ZNF184: variants seen among roughly 807,000 people sequenced by gnomAD.
ZNF184 encodes zinc finger protein 184 (Kruppel-like).
Under a neutral mutation model 54.4 loss-of-function variants are expected in ZNF184, and 16 were observed. That is an observed-to-expected ratio of 0.29 (90% CI 0.20 to 0.45). ZNF184 has a LOEUF of 0.45. Ranked by LOEUF, ZNF184 falls within the 20% of genes least tolerant of loss-of-function variation. The pLI, the probability that ZNF184 is intolerant of heterozygous loss-of-function variation, is 1.00. For synonymous variants in ZNF184, 254 were observed against 295.3 expected (o/e 0.86, Z 1.43); for missense variants, 681 against 888.2 (o/e 0.77, Z 2.97).
the ZNF184 span, among the ~76,000 whole-genome samples, chr6:27,442,009 A>G: frequency 5.3e-5 from 8 of 152,242 alleles, no homozygotes; most frequent in Non-Finnish European, 1.2e-4. Context: ...TAGATGTGTG[A>G]TTCAAATTAT....
intron 2 of ZNF184, among the ~76,000 whole-genome samples, chr6:27,469,539 G>A (rs2113737882): frequency 6.6e-6 from 1 of 152,270 alleles, no homozygotes; most frequent in African/African-American, 2.4e-5. Flanking sequence ...TACTCAGAAG[G>A]CTGAGGCAGG....
the ZNF184 span, among the ~76,000 whole-genome samples, chr6:27,424,386 G>A: frequency 2.6e-5 from 4 of 152,222 alleles, no homozygotes; most frequent in South Asian, 2.1e-4. Flanking sequence ...GCCACTGCTG[G>A]CCCCGCAGCC....
At chr6:27,419,237 C>T in the ZNF184 span, among the ~76,000 whole-genome samples, 1 of 152,142 alleles carries the variant, frequency 6.6e-6, no homozygotes, top group South Asian at 2.1e-4. The surrounding 1 kb of genome is among the most constrained non-coding windows in gnomAD (Gnocchi z 4.8). Context: ...TCCCAATTAG[C>T]TGGGATTACA....
chr6:27,419,338 C>A, the ZNF184 span, among the ~76,000 whole-genome samples: 1 of 152,088 alleles, frequency 6.6e-6, no homozygotes, highest in South Asian at 2.1e-4. The surrounding 1 kb of genome is among the most constrained non-coding windows in gnomAD (Gnocchi z 4.8). Context: ...AAACTCCTGA[C>A]CTCAAGTGAT....
the ZNF184 span, among the ~76,000 whole-genome samples, chr6:27,443,798 C>A: frequency 4.6e-5 from 7 of 152,106 alleles, no homozygotes; most frequent in African/African-American, 1.7e-4. Flanking sequence ...TCCACCCCCA[C>A]TTTAGCTCTT....
At chr6:27,432,425 A>T in the ZNF184 span, among the ~76,000 whole-genome samples, 1 of 152,196 alleles carries the variant, frequency 6.6e-6, no homozygotes, top group Non-Finnish European at 1.5e-5. The surrounding 1 kb of genome is among the most constrained non-coding windows in gnomAD (Gnocchi z 4.0). Flanking sequence ...AGTAATAAAG[A>T]CTAAGGAAAA....
the ZNF184 span, among the ~76,000 whole-genome samples, chr6:27,443,399 T>G: frequency 1.3e-5 from 2 of 152,228 alleles, no homozygotes; most frequent in Non-Finnish European, 2.9e-5. Flanking sequence ...CGGTCACTTC[T>G]TCATTTGTGG....
intron 3 of ZNF184, among the ~76,000 whole-genome samples, chr6:27,460,556 G>C (rs1762970306): frequency 6.6e-6 from 1 of 152,228 alleles, no homozygotes; most frequent in Non-Finnish European, 1.5e-5. Flanking sequence ...CCAGACTGCA[G>C]AGCAGGGAGG....
intron 5 of ZNF184, among the ~76,000 whole-genome samples, chr6:27,454,040 A>G (rs975035331): frequency 4.5e-4 from 69 of 152,362 alleles, no homozygotes; most frequent in African/African-American, 1.4e-3. Flanking sequence ...TACCAATGAA[A>G]GAAAGCAGTT....
chr6:27,426,350 C>A, the ZNF184 span, among the ~76,000 whole-genome samples: 1 of 152,326 alleles, frequency 6.6e-6, no homozygotes, highest in African/African-American at 2.4e-5. The surrounding 1 kb of genome is among the most constrained non-coding windows in gnomAD (Gnocchi z 4.2). Flanking sequence ...GATGCAGCAT[C>A]TGCGGCCTGT....
chr6:27,429,510 T>C, the ZNF184 span, among the ~76,000 whole-genome samples: 1 of 152,224 alleles, frequency 6.6e-6, no homozygotes, highest in South Asian at 2.1e-4. Context: ...TGTTGTTAGC[T>C]TCTTGCGGGC....
At chr6:27,421,166 A>C in the ZNF184 span, among the ~76,000 whole-genome samples, 1 of 152,250 alleles carries the variant, frequency 6.6e-6, no homozygotes, top group African/African-American at 2.4e-5. Context: ...TGGTGGATAC[A>C]TGCCACTATA....
rs755080216 is a variant in ZNF184 at position 27,452,468 on chromosome 6, C to T, written c.1091G>A (p.Cys364Tyr). 1.2e-6 allele frequency: 2 copies of T among 1,614,100 alleles called. No homozygotes were observed. The highest frequency in any genetic ancestry group is 1.7e-6 in the Non-Finnish European group (2 of 1,180,010). The change falls in exon 6 of 6, where the codon TGT (cysteine) becomes TAT (tyrosine). Residue 364 changes from cysteine (C) to tyrosine (Y), a missense_variant. Cys to Tyr is a radical substitution (Grantham distance 194). Coordinates refer to ENST00000683788, the MANE Select transcript of ZNF184 (RefSeq NM_001318891.2). This position sits in a 1 kb window ranked among gnomAD's most constrained non-coding sequence, Gnocchi z 5.5. ...KIHTGEKPFK[C>Y]DECDKTFTRS... ...GGTGAAGGTTTTATCACATTCATCA[C>T]ATTTAAAAGGTTTTTCTCCCGTATG...
chr6:27,411,361 G>A, the ZNF184 span, among the ~76,000 whole-genome samples: 2 of 152,172 alleles, frequency 1.3e-5, no homozygotes, highest in African/African-American at 2.4e-5. Context: ...TTTTGGGGAT[G>A]TTCCGAAAGC....
At chr6:27,444,450 A>G in the ZNF184 span, among the ~76,000 whole-genome samples, 2 of 152,172 alleles carry the variant, frequency 1.3e-5, no homozygotes, top group Non-Finnish European at 2.9e-5. Flanking sequence ...CAATCCCAAT[A>G]GGATTCAAAC....
the ZNF184 span, among the ~76,000 whole-genome samples, chr6:27,417,102 T>A: frequency 2.7e-4 from 41 of 152,282 alleles, no homozygotes; most frequent in Non-Finnish European, 4.4e-4. Flanking sequence ...AGTCCATGCC[T>A]ATCCCAATTC....
the ZNF184 span, among the ~76,000 whole-genome samples, chr6:27,423,975 T>G: frequency 6.6e-6 from 1 of 152,210 alleles, no homozygotes; most frequent in Non-Finnish European, 1.5e-5. Context: ...TTAGTTGTTG[T>G]GTCTGGAAAT....
chr6:27,451,136 T>C lies in ZNF184; in HGVS notation c.*167A>G, dbSNP rs776053196. On this transcript the variant is annotated 3_prime_UTR_variant, in exon 6 of 6. Coordinates refer to ENST00000683788, the MANE Select transcript of ZNF184 (RefSeq NM_001318891.2). ...TTTCTAATGTCACAGAGTGGCTTAA[T>C]AACAATTGGATTAGTTCAGCCCAAT... 4 of 699,320 alleles carry C rather than the reference T, an allele frequency of 5.7e-6. No homozygotes were observed. The highest frequency in any genetic ancestry group is 8.7e-6 in the Non-Finnish European group (4 of 461,460). The allele number at this position is 699,320 out of a possible 1,614,324, so 43.3% of individuals were successfully genotyped here. A position where few individuals can be genotyped will look rare whatever the true frequency, so the allele number is the denominator to read the frequency against.
At chr6:27,417,941 C>CA in the ZNF184 span, among the ~76,000 whole-genome samples, 1 of 152,212 alleles carries the variant, frequency 6.6e-6, no homozygotes, top group South Asian at 2.1e-4. Context: ...GTCATATGGA[C>CA]AGGGGCTGAC....
Sources: allele counts gnomAD v4.1 joint callset (sites outside exome capture counted in the v4.1 genomes callset), GRCh38; gene constraint gnomAD v4.1.1; non-coding constraint Gnocchi (gnomAD v3.1); transcripts MANE v1.5; gene names NCBI Gene and HGNC (gene_info 2026-07-23, HGNC 2026-07-21).